The following XYLT1 variants were observed in gnomAD, a reference collection of about 807,000 sequenced individuals.
XYLT1 encodes the protein xylosyltransferase 1.
Under a neutral mutation model 91.3 loss-of-function variants are expected in XYLT1, and 36 were observed. That is an observed-to-expected ratio of 0.39 (90% confidence interval 0.30 to 0.52). The LOEUF is 0.52. XYLT1 is among the 20% of genes least tolerant of loss of function. The pLI is 0.68. For synonymous variants in XYLT1, 588 were observed against 532.0 expected (o/e 1.11, Z -1.45); for missense variants, 1,242 against 1,284.5 (o/e 0.97, Z 0.51).
chr16:17,393,049 G>A (rs2035840062), intron 1 of XYLT1, among the ~76,000 whole-genome samples: 1 of 151,572 alleles, frequency 6.6e-6, no homozygotes, highest in African/African-American at 2.4e-5. Context: ...TTCCCCTCCT[G>A]CCCACTTTTT....
chr16:17,332,567 TACACACACACACACACACAC>T (rs60919228), intron 2 of XYLT1, among the ~76,000 whole-genome samples: 1 of 138,006 alleles, frequency 7.2e-6, no homozygotes, highest in Non-Finnish European at 1.6e-5. Context: ...ATCACACACA[TACACACACACACACACACAC>T]ACACACACAC....
At chr16:17,293,644 C>T (rs568513936) in intron 2 of XYLT1, among the ~76,000 whole-genome samples, 2 of 152,162 alleles carry the variant, frequency 1.3e-5, no homozygotes, top group East Asian at 3.9e-4. Flanking sequence ...CCCATCACCA[C>T]ACCCAGCTAA....
At chr16:17,406,082 G>A (rs1161223271) in intron 1 of XYLT1, among the ~76,000 whole-genome samples, 1 of 152,152 alleles carries the variant, frequency 6.6e-6, no homozygotes, top group Non-Finnish European at 1.5e-5. Flanking sequence ...CTATTTGGAA[G>A]GCTGAGGCAG....
rs1006692359 is a variant in XYLT1 at position 17,103,475 on chromosome 16, G to T, written c.*5220C>A. ...AGATTGGCAGCCCCTTCCTTAGGAG[G>T]CTGCCACAGAAGCTTCACGATGCTG... is the stretch of plus-strand genomic sequence containing the variant. On this transcript the variant is annotated 3_prime_UTR_variant, in exon 12 of 12. Transcript: ENST00000261381. 38 of 152,210 alleles carry T rather than the reference G, an allele frequency of 2.5e-4. No individual in the cohort carries two copies. The highest frequency in any genetic ancestry group is 8.9e-4 in the African/African-American group (37 of 41,456). 9.4% of individuals were successfully genotyped at this position (152,210 alleles called of 1,614,324 possible). A position where few individuals can be genotyped will look rare whatever the true frequency, so the allele number is the denominator to read the frequency against.
At chr16:17,391,107 T>C (rs2035813725) in intron 1 of XYLT1, among the ~76,000 whole-genome samples, 1 of 152,166 alleles carries the variant, frequency 6.6e-6, no homozygotes, top group Non-Finnish European at 1.5e-5. Flanking sequence ...TCCCAGCCAT[T>C]ATTCCTGAGG....
At chr16:17,224,227 CAAGACG>C (rs1436928980) in intron 3 of XYLT1, among the ~76,000 whole-genome samples, 9 of 152,184 alleles carry the variant, frequency 5.9e-5, no homozygotes, top group Non-Finnish European at 1.3e-4. Flanking sequence ...CTATCAGCGA[CAAGACG>C]GACAGGAGGA....
chr16:17,343,186 C>G (rs568503261), intron 2 of XYLT1, among the ~76,000 whole-genome samples: 2 of 152,166 alleles, frequency 1.3e-5, no homozygotes, highest in Non-Finnish European at 2.9e-5. Context: ...CATGTTACAA[C>G]GTCAGCCCCT....
chr16:17,164,412 C>T (rs2031631094), intron 5 of XYLT1, among the ~76,000 whole-genome samples: 1 of 151,898 alleles, frequency 6.6e-6, no homozygotes, highest in Non-Finnish European at 1.5e-5. Flanking sequence ...TTTCAGTGTA[C>T]AGTTCAGTGG....
intron 1 of XYLT1, among the ~76,000 whole-genome samples, chr16:17,411,882 T>C (rs2036113782): frequency 1.3e-5 from 2 of 152,182 alleles, no homozygotes; most frequent in Non-Finnish European, 2.9e-5. Context: ...TTAATTCAGC[T>C]GCTAACTCTC....
At chr16:17,439,998 C>T (rs1436909983) in intron 1 of XYLT1, among the ~76,000 whole-genome samples, 3 of 152,216 alleles carry the variant, frequency 2.0e-5, no homozygotes, top group African/African-American at 7.2e-5. Context: ...TTAGGTGCAT[C>T]TTAGGTGCTG....
In XYLT1 at chr16:17,136,280, A is replaced by G. The variant is rs147263737; in HGVS notation, c.1765-1545T>C. ...ATTTGAAGCCCAAATGCATGACTCC[A>G]AAATCCAAGCCCTTTCTACTGTATC... On this transcript the variant is annotated intron_variant, in intron 8 of 11. Coordinates refer to ENST00000261381, the MANE Select transcript of XYLT1 (RefSeq NM_022166.4). 7.7e-4 allele frequency among the ~76,000 whole-genome samples: 118 copies of G among 152,334 alleles called. 1 individual carries two copies. Among genetic ancestry groups the G allele is most frequent in the African/African-American group, 2.7e-3 (112 of 41,570 alleles).
rs542887601 is a variant in XYLT1, at chr16:17,331,593, A to T, written c.402+26419T>A. On this transcript the variant is annotated intron_variant, in intron 2 of 11. Transcript: ENST00000261381. ...GAGGGATTAAACCACCCTTTTTGAGAGGATAAATGTGTGGTGGGTCTGTAT... is the reference window on the plus strand; with the variant it reads ...GAGGGATTAAACCACCCTTTTTGAGTGGATAAATGTGTGGTGGGTCTGTAT... Among the ~76,000 whole-genome samples, 3 of 152,298 alleles carry T rather than the reference A, an allele frequency of 2.0e-5. No homozygotes were observed. In the South Asian group the frequency reaches 6.2e-4, roughly 32 times the overall value.
At chr16:17,269,439 A>T (rs2033854364) in intron 2 of XYLT1, among the ~76,000 whole-genome samples, 1 of 152,110 alleles carries the variant, frequency 6.6e-6, no homozygotes, top group African/African-American at 2.4e-5. Flanking sequence ...GGCTTCCTAA[A>T]GTGCTGAGAT....
intron 1 of XYLT1, among the ~76,000 whole-genome samples, chr16:17,468,962 C>A (rs1368063652): frequency 6.6e-6 from 1 of 152,164 alleles, no homozygotes; most frequent in African/African-American, 2.4e-5. Flanking sequence ...TTCAGAGTAC[C>A]CCTCTCTGTA....
rs77717439 is a variant in XYLT1, at chr16:17,154,425, C to T, written c.1370+4404G>A. On this transcript the variant is annotated intron_variant, in intron 6 of 11. Coordinates refer to ENST00000261381, the MANE Select transcript of XYLT1 (RefSeq NM_022166.4). ...ACTCCGATTTTCACTTTCCAGCTCC[C>T]TGGAAGAGGCCTGTCCCCACACACT... 5.3e-3 allele frequency among the ~76,000 whole-genome samples: 805 copies of T among 152,300 alleles called. 37 individuals are homozygous for T. The East Asian group carries it at 0.08, about 15-fold the overall frequency.
At position 17,384,957 on chromosome 16, in the gene XYLT1, C is replaced by T. The variant is rs987688991; in HGVS notation, c.364-26907G>A. On this transcript the variant is annotated intron_variant, in intron 1 of 11. Coordinates refer to ENST00000261381, the MANE Select transcript of XYLT1 (RefSeq NM_022166.4). ...GCTGGTGGAAGCACTTCTCAATCTA[C>T]ACCTGACAGAGGGGCGACAGTTAGT... is the stretch of plus-strand genomic sequence containing the variant. 2.0e-5 allele frequency among the ~76,000 whole-genome samples: 3 copies of T among 151,818 alleles called. No individual in the cohort carries two copies. The Admixed American group carries it at 2.0e-4, about 10-fold the overall frequency.
At chr16:17,452,994 A>G (rs898846079) in intron 1 of XYLT1, among the ~76,000 whole-genome samples, 1 of 152,222 alleles carries the variant, frequency 6.6e-6, no homozygotes, top group Non-Finnish European at 1.5e-5. Flanking sequence ...GAAAGGAGGC[A>G]AACTACCAGA....
intron 2 of XYLT1, among the ~76,000 whole-genome samples, chr16:17,287,899 A>C (rs1308156618): frequency 6.6e-6 from 1 of 151,914 alleles, no homozygotes. Context: ...ACTAAGTGAG[A>C]GTTTAAGATG....
chr16:17,406,986 C>T (rs931104963), intron 1 of XYLT1, among the ~76,000 whole-genome samples: 6 of 151,962 alleles, frequency 3.9e-5, no homozygotes, highest in Admixed American at 2.6e-4. Context: ...CCTTTTGCTG[C>T]TTCTTTATTT....
Sources: allele counts gnomAD v4.1 joint callset (sites outside exome capture counted in the v4.1 genomes callset), GRCh38; gene constraint gnomAD v4.1.1; transcripts MANE v1.5; gene names NCBI Gene and HGNC (gene_info 2026-07-23, HGNC 2026-07-21).